Variants in SAMSN1 observed in about 807,000 individuals in gnomAD.
The protein encoded by SAMSN1 is SAM domain-containing protein SAMSN-1.
SAMSN1 carries 31 observed loss-of-function variants against 42.0 expected under a neutral mutation model. The ratio of observed to expected loss-of-function variants is 0.74; its 90% CI spans 0.55 to 1.00. The LOEUF (loss-of-function observed/expected upper bound fraction) is 1.00. Among genes scored for constraint, SAMSN1 ranks in the 50% least tolerant of loss-of-function variants. The probability of loss-of-function intolerance (pLI) is 0.00; values close to 1 mark genes in which losing one functional copy is unlikely to be tolerated. For synonymous variants in SAMSN1, 178 were observed against 151.9 expected (o/e 1.17, Z -1.26); for missense variants, 464 against 439.4 (o/e 1.06, Z -0.50).
At chr21:14,590,763 G>A (rs570777164) in intron 7 of SAMSN1, among the ~76,000 whole-genome samples, 1 of 152,138 alleles carries the variant, frequency 6.6e-6, no homozygotes, top group Non-Finnish European at 1.5e-5. Flanking sequence ...ACAAAATAAA[G>A]AAGAGGTTTT....
intron 1 of SAMSN1, among the ~76,000 whole-genome samples, chr21:14,538,413 C>T (rs1247341782): frequency 6.6e-6 from 1 of 152,134 alleles, no homozygotes; most frequent in African/African-American, 2.4e-5. Flanking sequence ...TTTGCATCTA[C>T]AGGGCTTTTT....
At chr21:14,609,680 G>A in intron 4 of SAMSN1, 1 of 677,504 alleles carries the variant, frequency 1.5e-6, no homozygotes, top group Non-Finnish European at 2.7e-6. Flanking sequence ...CTTGGTAAGT[G>A]GTATCTTAAG....
chr21:14,621,280 T>A (rs1005101705), intron 2 of SAMSN1, among the ~76,000 whole-genome samples: 5 of 152,140 alleles, frequency 3.3e-5, no homozygotes, highest in Non-Finnish European at 4.4e-5. Context: ...GGTACTGGGT[T>A]CATCTCACAG....
At chr21:14,643,410 T>C (rs1983642330) in intron 1 of SAMSN1, among the ~76,000 whole-genome samples, 1 of 152,178 alleles carries the variant, frequency 6.6e-6, no homozygotes, top group Non-Finnish European at 1.5e-5. Context: ...ATGAGGGAAT[T>C]CCTCAAGAGG....
intron 1 of SAMSN1, among the ~76,000 whole-genome samples, chr21:14,534,169 T>A (rs1979445997): frequency 6.6e-6 from 1 of 152,238 alleles, no homozygotes; most frequent in African/African-American, 2.4e-5. Flanking sequence ...AGTAGACTAC[T>A]TCTGCAGATG....
chr21:14,649,751 C>T (rs114948411), intron 1 of SAMSN1, among the ~76,000 whole-genome samples: 1,734 of 145,294 alleles, frequency 0.012, 40 homozygotes, highest in African/African-American at 0.042. Flanking sequence ...GGCTGGGTGA[C>T]GGAGTGAGAC....
At chr21:14,603,943 T>G (rs560683538) in intron 5 of SAMSN1, among the ~76,000 whole-genome samples, 1 of 152,256 alleles carries the variant, frequency 6.6e-6, no homozygotes, top group African/African-American at 2.4e-5. Flanking sequence ...TATACGGATT[T>G]TAATGTAAAA....
At chr21:14,568,055 C>T (rs1308007061) in intron 2 of SAMSN1, among the ~76,000 whole-genome samples, 1 of 152,096 alleles carries the variant, frequency 6.6e-6, no homozygotes, top group Non-Finnish European at 1.5e-5. Flanking sequence ...AAATGATGTC[C>T]ATTCTAGAAA....
At chr21:14,609,483 T>G (rs2123319474) in exon 5 of SAMSN1, 2 of 717,950 alleles carry the variant, frequency 2.8e-6, no homozygotes, top group Non-Finnish European at 5.2e-6. Context: ...AGCAATTACC[T>G]TTTAGCTGAC....
intron 4 of SAMSN1, 143 bp from the exon 5 acceptor site, chr21:14,510,604 G>C: frequency 1.1e-6 from 1 of 913,822 alleles, no homozygotes; most frequent in Admixed American, 2.2e-5. Context: ...CCTGGTGTCT[G>C]TCTTCCAGTT....
chr21:14,511,911 G>A (rs766242915), intron 4 of SAMSN1, among the ~76,000 whole-genome samples: 6 of 152,028 alleles, frequency 3.9e-5, no homozygotes, highest in Non-Finnish European at 8.8e-5. Context: ...TTAATGCTGG[G>A]TTAAGATCTA....
At chr21:14,488,802 T>C (rs986240982) in intron 7 of SAMSN1, among the ~76,000 whole-genome samples, 1 of 152,222 alleles carries the variant, frequency 6.6e-6, no homozygotes, top group African/African-American at 2.4e-5. Flanking sequence ...CTAAATGATT[T>C]CCTCGTGAAA....
At chr21:14,530,268 G>C (rs1452323084) in intron 1 of SAMSN1, among the ~76,000 whole-genome samples, 1 of 131,736 alleles carries the variant, frequency 7.6e-6, no homozygotes, top group Non-Finnish European at 1.5e-5. Flanking sequence ...AGTGAGCCGA[G>C]ATTGAGCCAA....
intron 4 of SAMSN1, 144 bp downstream of exon 4, chr21:14,512,300 C>T (rs1264694090): frequency 4.8e-6 from 4 of 838,514 alleles, no homozygotes; most frequent in Non-Finnish European, 3.8e-6. Flanking sequence ...AATAGCAACT[C>T]TATATAGATT....
rs183134983 is a variant in SAMSN1 at position 14,612,377 on chromosome 21, G to A, written c.235+499C>T. 5.1e-3 allele frequency: 886 copies of A among 174,982 alleles called. 10 individuals carry two copies. The highest frequency in any genetic ancestry group is 0.014 in the African/African-American group (581 of 42,054). The allele number at this position is 174,982 out of a possible 1,614,324, so 10.8% of individuals were successfully genotyped here. A position where few individuals can be genotyped will look rare whatever the true frequency, so the allele number is the denominator to read the frequency against. On this transcript the variant is annotated intron_variant, in intron 4 of 15. Coordinates refer to the SAMSN1 transcript ENST00000647101. ...TTTCTAAAAATAATGAATAGAAATC[G>A]ATTTTTACTTTAGAATTAAGGTACA...
intron 3 of SAMSN1, 74 bp from the exon 4 acceptor site, chr21:14,512,647 A>C: frequency 7.3e-7 from 1 of 1,370,546 alleles, no homozygotes; most frequent in Non-Finnish European, 1.0e-6. Context: ...ACATTGATTT[A>C]ATAGACACAT....
At chr21:14,585,591 T>C (rs1382282504), upstream of SAMSN1, 7 of 152,250 alleles carry the variant, frequency 4.6e-5, no homozygotes, top group African/African-American at 1.7e-4. Flanking sequence ...CCTTTCATTA[T>C]TTTGTTCACA....
intron 5 of SAMSN1, among the ~76,000 whole-genome samples, chr21:14,509,976 A>G (rs2122973284): frequency 6.6e-6 from 1 of 151,764 alleles, no homozygotes; most frequent in African/African-American, 2.4e-5. Flanking sequence ...TGTCTCTACT[A>G]AAAATACAAA....
At chr21:14,597,809 CG>C (rs1402858358) in intron 6 of SAMSN1, 1 of 152,188 alleles carries the variant, frequency 6.6e-6, no homozygotes, top group Non-Finnish European at 1.5e-5. Flanking sequence ...CTTTGCCTCA[CG>C]GCTGGAAGAC....
Sources: allele counts gnomAD v4.1 joint callset (sites outside exome capture counted in the v4.1 genomes callset), GRCh38; gene constraint gnomAD v4.1.1; transcripts MANE v1.5; gene names NCBI Gene and HGNC (gene_info 2026-07-23, HGNC 2026-07-21).